The following FBXW10 variants were observed in gnomAD, a reference collection of about 807,000 sequenced individuals.
The protein encoded by FBXW10 is F-box and WD repeat domain containing 10.
Under a neutral mutation model 113.1 loss-of-function variants are expected in FBXW10, and 68 were observed. The observed-to-expected ratio is 0.60, with a 90% CI of 0.49 to 0.74. FBXW10 has a LOEUF of 0.74. Ranked by LOEUF, FBXW10 falls within the 30% of genes least tolerant of loss-of-function variation. The pLI is 0.00. For missense variants in FBXW10, 753 were observed against 1,284.5 expected, an observed-to-expected ratio of 0.59 and a Z score of 6.32; for synonymous variants, 289 against 481.6, an observed-to-expected ratio of 0.60 and a Z score of 5.24.
intron 9 of FBXW10, among the ~76,000 whole-genome samples, chr17:18,767,443 C>CA (rs5819658): frequency 0.24 from 30,138 of 123,850 alleles, 3,657 homozygotes; most frequent in East Asian, 0.57. Context: ...TCATGCGTCT[C>CA]AAAAAAAAAA....
intron 8 of FBXW10, among the ~76,000 whole-genome samples, chr17:18,765,107 A>T (rs977388004): frequency 3.9e-5 from 6 of 152,174 alleles, no homozygotes; most frequent in African/African-American, 1.4e-4. Context: ...GAAAAAAAAT[A>T]ATAGGATATG....
intron 5 of FBXW10, among the ~76,000 whole-genome samples, chr17:18,753,215 C>A (rs2035202365): frequency 1.3e-5 from 2 of 152,208 alleles, no homozygotes; most frequent in Non-Finnish European, 2.9e-5. Flanking sequence ...AACTACCAAA[C>A]TTCACCCTCA....
chr17:18,757,107 TG>T (rs2035281293), intron 6 of FBXW10, among the ~76,000 whole-genome samples: 1 of 152,242 alleles, frequency 6.6e-6, no homozygotes, highest in Non-Finnish European at 1.5e-5. Context: ...CATATGTACA[TG>T]TATATATATA....
intron 12 of FBXW10, among the ~76,000 whole-genome samples, chr17:18,773,397 T>A (rs557516185): frequency 6.6e-6 from 1 of 152,298 alleles, no homozygotes; most frequent in South Asian, 2.1e-4. Flanking sequence ...GAAGTTGTTA[T>A]AAGCAGAAAA....
chr17:18,755,338 C>T (rs2035240100), intron 5 of FBXW10, among the ~76,000 whole-genome samples: 1 of 152,096 alleles, frequency 6.6e-6, no homozygotes, highest in Admixed American at 6.6e-5. Flanking sequence ...AGGCAGATCA[C>T]AAGGTCAAGA....
intron 1 of FBXW10, among the ~76,000 whole-genome samples, chr17:18,746,654 T>C (rs1341395144): frequency 6.6e-6 from 1 of 152,178 alleles, no homozygotes; most frequent in African/African-American, 2.4e-5. Context: ...ATCAACCGAC[T>C]TAATATCCTT....
chr17:18,748,408 CAAA>C (rs57336039), intron 2 of FBXW10, among the ~76,000 whole-genome samples: 374 of 51,368 alleles, frequency 7.3e-3, no homozygotes, highest in Middle Eastern at 0.024. Flanking sequence ...GAGACTGTCT[CAAA>C]AAAAAAAAAA....
At chr17:18,775,726 C>A (rs1378653138) in intron 13 of FBXW10, among the ~76,000 whole-genome samples, 1 of 152,134 alleles carries the variant, frequency 6.6e-6, no homozygotes, top group South Asian at 2.1e-4. Flanking sequence ...TGGGGATGCA[C>A]CTTTTAAGAA....
chr17:18,766,513 G>C (rs1349514978), intron 8 of FBXW10, among the ~76,000 whole-genome samples: 1 of 152,138 alleles, frequency 6.6e-6, no homozygotes, highest in Non-Finnish European at 1.5e-5. Context: ...CTGTATTCAG[G>C]GCGCTCTGTG....
chr17:18,772,630 C>T lies in FBXW10; in HGVS notation c.2225C>T (p.Pro742Leu). The T allele has an allele frequency of 6.2e-7, 1 of 1,614,104 alleles. No individual in the cohort carries two copies. Among genetic ancestry groups the T allele is most frequent in the Non-Finnish European group, 8.5e-7 (1 of 1,179,990 alleles). ...SKQTVIQELL[P>L]GKPPKSRVLL... is the part of the protein sequence containing the mutation. ...CAAACTGTGATCCAAGAGCTCCTAC[C>T]AGGCAAACCTCCCAAGTCCCGAGTA... The change falls in exon 12 of 14, where the codon CCA becomes CTA. Residue 742 changes from proline to leucine, a missense_variant. Physicochemically the swap from Pro to Leu is moderately conservative, Grantham distance 98 (BLOSUM62 -3). Coordinates refer to ENST00000395665, the MANE Select transcript of FBXW10 (RefSeq NM_001267585.2).
intron 8 of FBXW10, among the ~76,000 whole-genome samples, chr17:18,765,774 T>G (rs941677175): frequency 2.6e-5 from 4 of 152,164 alleles, no homozygotes; most frequent in African/African-American, 9.7e-5. Context: ...GTGGCCAGGT[T>G]AGAGTGCAGT....
chr17:18,765,035 C>T (rs1567622065), intron 8 of FBXW10, among the ~76,000 whole-genome samples, 172 bp downstream of exon 8: 1 of 152,150 alleles, frequency 6.6e-6, no homozygotes, highest in Non-Finnish European at 1.5e-5. Context: ...ATCAATCCAT[C>T]CATTCAACAG....
intron 7 of FBXW10, among the ~76,000 whole-genome samples, chr17:18,764,141 T>C (rs1332771312): frequency 2.0e-5 from 3 of 148,358 alleles, no homozygotes; most frequent in Non-Finnish European, 4.5e-5. Context: ...TTACCCAAGA[T>C]TGACAATCAC....
rs200034399 is a variant in FBXW10 at position 18,750,113 on chromosome 17, T to C, written c.975T>C (p.Ile325=). Residue 325 remains isoleucine, a synonymous_variant, in exon 4 of 14, where the codon ATT becomes ATC. Coordinates refer to ENST00000395665, the MANE Select transcript of FBXW10 (RefSeq NM_001267585.2). ...TGGACTTGTCAGCGCACGGCTTCATTCAGAACCAGATTACCTTCTTGCAGG... is the reference window on the plus strand; with the variant it reads ...TGGACTTGTCAGCGCACGGCTTCATCCAGAACCAGATTACCTTCTTGCAGG... ...VKMDLSAHGF[I]QNQITFLQGS... 1.6e-4 allele frequency: 261 copies of C among 1,610,106 alleles called. No homozygotes were observed. Among genetic ancestry groups the C allele is most frequent in the Non-Finnish European group, 2.0e-4 (239 of 1,177,720 alleles).
At chr17:18,768,051 C>CT (rs1555537896) in intron 9 of FBXW10, among the ~76,000 whole-genome samples, 1 of 91,780 alleles carries the variant, frequency 1.1e-5, no homozygotes, top group Admixed American at 1.2e-4. Context: ...TCCTTCCTTC[C>CT]TTCTTTCTTT....
intron 1 of FBXW10, among the ~76,000 whole-genome samples, 169 bp from the exon 2 acceptor site, chr17:18,747,772 A>T (rs2035067031): frequency 6.6e-6 from 1 of 151,882 alleles, no homozygotes; most frequent in Admixed American, 6.6e-5. Context: ...GCTTTCTGAG[A>T]TTTTTGCATA....
Position 18,750,779 on chromosome 17 carries a change from T to A in FBXW10, c.1000-152T>A, listed in dbSNP as rs2035151491. The A allele has an allele frequency of 7.5e-6, 6 of 800,866 alleles. No individual in the cohort carries two copies. The South Asian group carries it at 7.6e-5, about 10-fold the overall frequency. 49.6% of individuals were successfully genotyped at this position (800,866 alleles called of 1,614,324 possible). ...GATCTGCACACACTGCCAGAGGAACTGGCCAGAAGTGGGCCTGCCTGCTGC... is the reference window on the plus strand; with the variant it reads ...GATCTGCACACACTGCCAGAGGAACAGGCCAGAAGTGGGCCTGCCTGCTGC... On this transcript the variant is annotated intron_variant, in intron 4 of 13. Transcript: ENST00000395665.
chr17:18,765,201 A>G (rs2035471669), intron 8 of FBXW10, among the ~76,000 whole-genome samples: 1 of 152,244 alleles, frequency 6.6e-6, no homozygotes, highest in Non-Finnish European at 1.5e-5. Flanking sequence ...AGTGGGGAAT[A>G]TAATAAGTCC....
intron 5 of FBXW10, among the ~76,000 whole-genome samples, chr17:18,753,962 A>G (rs2035215827): frequency 6.6e-6 from 1 of 152,190 alleles, no homozygotes; most frequent in Non-Finnish European, 1.5e-5. Flanking sequence ...TAGCAAGACT[A>G]AGCAGTTACA....
Sources: gnomAD v4.1 joint callset for allele counts (sites outside exome capture counted in the v4.1 genomes callset) on GRCh38, gnomAD v4.1.1 for gene constraint, MANE v1.5 for transcripts, NCBI Gene and HGNC (gene_info 2026-07-23, HGNC 2026-07-21) for gene names.